Variants in EXT2 observed in about 807,000 individuals in gnomAD.
The protein encoded by EXT2 is exostosin glycosyltransferase 2.
Under a neutral mutation model 81.6 loss-of-function variants are expected in EXT2, and 53 were observed. The ratio of observed to expected loss-of-function variants is 0.65; its 90% CI spans 0.52 to 0.82. The LOEUF is 0.82. EXT2 is among the 40% of genes least tolerant of loss of function. EXT2 has a pLI of 0.00. For missense variants in EXT2, 774 were observed against 910.2 expected, an observed-to-expected ratio of 0.85 and a Z score of 1.93; for synonymous variants, 320 against 340.0, an observed-to-expected ratio of 0.94 and a Z score of 0.65.
At chr11:44,223,124 A>C (rs775089024) in intron 10 of EXT2, among the ~76,000 whole-genome samples, 1 of 152,232 alleles carries the variant, frequency 6.6e-6, no homozygotes, top group African/African-American at 2.4e-5. Flanking sequence ...AAAAAATACA[A>C]ACAGCAAATG....
At chr11:44,157,102 T>C (rs1954865544) in intron 7 of EXT2, among the ~76,000 whole-genome samples, 1 of 152,186 alleles carries the variant, frequency 6.6e-6, no homozygotes, top group African/African-American at 2.4e-5. Context: ...GTCTCTGTGA[T>C]GAGCTGCCTA....
At chr11:44,200,095 G>A (rs949510264) in intron 9 of EXT2, among the ~76,000 whole-genome samples, 4 of 150,950 alleles carry the variant, frequency 2.6e-5, no homozygotes, top group Admixed American at 6.6e-5. Context: ...GCTCTGGTCC[G>A]CATGCCAGCA....
chr11:44,111,275 TA>T (rs1179960244), intron 3 of EXT2, among the ~76,000 whole-genome samples: 1 of 152,196 alleles, frequency 6.6e-6, no homozygotes, highest in Non-Finnish European at 1.5e-5. Flanking sequence ...ATACACATGA[TA>T]CATATATACT....
intron 11 of EXT2, 83 bp downstream of exon 11, chr11:44,232,579 T>G (rs949198677): frequency 5.2e-6 from 8 of 1,545,442 alleles, no homozygotes; most frequent in Non-Finnish European, 7.1e-6. Context: ...TTTTCATACC[T>G]GCCAAGAGGG....
intron 13 of EXT2, among the ~76,000 whole-genome samples, chr11:44,242,116 C>T (rs1324867125): frequency 1.3e-5 from 2 of 152,190 alleles, no homozygotes; most frequent in Non-Finnish European, 2.9e-5. Flanking sequence ...GAACCGCTAT[C>T]CTCTGCCAAG....
At chr11:44,145,007 AGTT>A (rs1299258659) in intron 7 of EXT2, among the ~76,000 whole-genome samples, 1 of 152,128 alleles carries the variant, frequency 6.6e-6, no homozygotes, top group East Asian at 1.9e-4. Flanking sequence ...CAGAAGTCCT[AGTT>A]GTGAGAGAGC....
At chr11:44,136,549 G>T (rs1217740224) in intron 7 of EXT2, among the ~76,000 whole-genome samples, 1 of 152,120 alleles carries the variant, frequency 6.6e-6, no homozygotes, top group Non-Finnish European at 1.5e-5. Flanking sequence ...GAGACATTTA[G>T]GACTGGACAC....
At position 44,173,725 on chromosome 11, in the gene EXT2, C is replaced by T. The variant is rs554260886; in HGVS notation, c.1305+1983C>T. On this transcript the variant is annotated intron_variant, in intron 8 of 13. Coordinates refer to ENST00000533608, the MANE Select transcript of EXT2 (RefSeq NM_207122.2). ...CTGGGACTACAGGCGCCCGCCACCA[C>T]GTCCGGCTAATTTTTTGTGTTTTTA... Among the ~76,000 whole-genome samples the T allele has an allele frequency of 3.3e-5, 5 of 151,870 alleles. No homozygotes were observed. The South Asian group carries it at 6.2e-4, about 19-fold the overall frequency.
intron 7 of EXT2, among the ~76,000 whole-genome samples, chr11:44,157,928 G>A (rs1954878353): frequency 6.6e-6 from 1 of 152,182 alleles, no homozygotes; most frequent in Admixed American, 6.5e-5. Flanking sequence ...GTGCTCTTAA[G>A]GCAGCAGACT....
intron 4 of EXT2, among the ~76,000 whole-genome samples, chr11:44,118,630 G>A (rs2134996129): frequency 6.6e-6 from 1 of 152,040 alleles, no homozygotes; most frequent in East Asian, 1.9e-4. Context: ...TAATTTTTTG[G>A]ATTATCATCA....
chr11:44,109,138 T>C (rs1954104778), intron 2 of EXT2, 56 bp from the exon 3 acceptor site: 1 of 1,583,194 alleles, frequency 6.3e-7, no homozygotes, highest in Non-Finnish European at 8.7e-7. Flanking sequence ...AGTAACTGAC[T>C]CTTGTCTTTT....
intron 8 of EXT2, among the ~76,000 whole-genome samples, chr11:44,189,437 G>A (rs1460458279): frequency 1.3e-5 from 2 of 152,218 alleles, no homozygotes; most frequent in East Asian, 3.8e-4. Flanking sequence ...AAAGAAAAGA[G>A]GTTTAATTGG....
chr11:44,204,850 A>G (rs1411552036), intron 9 of EXT2, among the ~76,000 whole-genome samples: 3 of 152,138 alleles, frequency 2.0e-5, no homozygotes, highest in Non-Finnish European at 2.9e-5. Context: ...TGGTGCCAAA[A>G]AGTTTGAGGA....
intron 7 of EXT2, among the ~76,000 whole-genome samples, chr11:44,160,559 T>G (rs1435344517): frequency 2.6e-5 from 4 of 152,168 alleles, no homozygotes; most frequent in Non-Finnish European, 5.9e-5. Flanking sequence ...ATCATGTGTT[T>G]GTGGGCCAGT....
At chr11:44,150,805 A>G (rs1954782235) in intron 7 of EXT2, among the ~76,000 whole-genome samples, 1 of 152,192 alleles carries the variant, frequency 6.6e-6, no homozygotes, top group Non-Finnish European at 1.5e-5. Context: ...CCACAGACCT[A>G]TTATACAACA....
intron 10 of EXT2, among the ~76,000 whole-genome samples, chr11:44,231,922 T>G (rs903914107): frequency 1.3e-5 from 2 of 152,224 alleles, no homozygotes; most frequent in Non-Finnish European, 2.9e-5. Flanking sequence ...AGATGCTTTT[T>G]TTTAATAAGA....
intron 12 of EXT2, 118 bp from the exon 13 acceptor site, chr11:44,236,175 G>A (rs2135267492): frequency 2.4e-6 from 2 of 837,902 alleles, no homozygotes; most frequent in Non-Finnish European, 2.0e-6. Flanking sequence ...GTGTGTGTGT[G>A]TGCACGCGCA....
intron 7 of EXT2, among the ~76,000 whole-genome samples, chr11:44,155,095 A>G (rs1590602079): frequency 1.3e-5 from 2 of 152,180 alleles, no homozygotes; most frequent in Middle Eastern, 6.8e-3. Context: ...TTTGCTATGC[A>G]GAAGCTTTTT....
intron 4 of EXT2, among the ~76,000 whole-genome samples, chr11:44,119,106 C>T (rs886890009): frequency 1.7e-5 from 2 of 119,356 alleles, no homozygotes; most frequent in Non-Finnish European, 1.8e-5. Context: ...TTATGTCCCC[C>T]AGGGGACATT....
Sources: gnomAD v4.1 joint callset for allele counts (sites outside exome capture counted in the v4.1 genomes callset) on GRCh38, gnomAD v4.1.1 for gene constraint, MANE v1.5 for transcripts, NCBI Gene and HGNC (gene_info 2026-07-23, HGNC 2026-07-21) for gene names.